The following NECAP1 variants were observed in gnomAD, a reference collection of about 807,000 sequenced individuals.
NECAP1 encodes NECAP endocytosis associated 1.
NECAP1 carries 13 observed loss-of-function variants against 33.4 expected under a neutral mutation model. That is an observed-to-expected ratio of 0.39 (90% CI 0.25 to 0.62). The LOEUF (loss-of-function observed/expected upper bound fraction) is 0.62, where lower values mean the gene tolerates loss of function less well. Among genes scored for constraint, NECAP1 ranks in the 20% least tolerant of loss-of-function variants. NECAP1 has a pLI of 0.52. For missense variants in NECAP1, 272 were observed against 347.4 expected (o/e 0.78, Z 1.73); for synonymous variants, 109 against 125.2 (o/e 0.87, Z 0.86).
intron 1 of NECAP1, 96 bp from the exon 2 acceptor site, chr12:8,089,840 A>G (rs1947525960): frequency 1.1e-6 from 1 of 915,652 alleles, no homozygotes; most frequent in South Asian, 1.3e-5. Context: ...AGAATAGGCA[A>G]TCCAGGATAG....
intron 4 of NECAP1, chr12:8,092,453 C>T (rs1016312378): frequency 2.1e-6 from 1 of 473,960 alleles, no homozygotes; most frequent in Non-Finnish European, 3.8e-6. Flanking sequence ...CTGGAAGGGG[C>T]AATTCTAATA....
chr12:8,083,718 GC>G (rs1282409383), intron 1 of NECAP1, among the ~76,000 whole-genome samples: 3 of 144,616 alleles, frequency 2.1e-5, no homozygotes, highest in Non-Finnish European at 4.5e-5. Context: ...GTGACACCAC[GC>G]CCAGCCGTCG....
intron 1 of NECAP1, among the ~76,000 whole-genome samples, chr12:8,083,923 G>A (rs995045302): frequency 1.3e-5 from 2 of 151,666 alleles, no homozygotes; most frequent in African/African-American, 4.8e-5. Context: ...AAATTTTTTT[G>A]TGTAGACAGG....
intron 1 of NECAP1, among the ~76,000 whole-genome samples, chr12:8,088,245 C>G (rs2120470740): frequency 6.6e-6 from 1 of 152,276 alleles, no homozygotes; most frequent in African/African-American, 2.4e-5. Context: ...CTCTACATCT[C>G]TTGAAAATCT....
At chr12:8,084,225 G>A (rs1202818644) in intron 1 of NECAP1, among the ~76,000 whole-genome samples, 1 of 152,040 alleles carries the variant, frequency 6.6e-6, no homozygotes, top group East Asian at 1.9e-4. Context: ...TGGGCCCTGT[G>A]GGTTGCACCT....
chr12:8,090,186 A>G lies in NECAP1; in HGVS notation c.197-9A>G, dbSNP rs371436821. On this transcript the variant is annotated splice_polypyrimidine_tract_variant and intron_variant, in intron 2 of 7. Transcript: ENST00000339754. ...CTTTACTCAAAAAAGTCTTTCTCTT[A>G]TCTGTCAGGGGAGCTCTTTGCTCAG... is the stretch of plus-strand genomic sequence containing the variant. 6.2e-6 allele frequency: 10 copies of G among 1,613,896 alleles called. No individual in the cohort carries two copies. Among genetic ancestry groups the G allele is most frequent in the South Asian group, 1.1e-5 (1 of 91,082 alleles).
chr12:8,093,088 A>C lies in NECAP1; in HGVS notation c.676+33A>C, dbSNP rs1308262641. 1.9e-6 allele frequency: 3 copies of C among 1,594,902 alleles called. No individual in the cohort carries two copies. In the Admixed American group the frequency reaches 5.1e-5, roughly 27 times the overall value. ...TAGTACTTCTAATTTTGAGAAATCC[A>C]ATCTTATGTTTTAATTAAGCAACAC... On this transcript the variant is annotated intron_variant, in intron 6 of 7. Coordinates refer to ENST00000339754, the MANE Select transcript of NECAP1 (RefSeq NM_015509.4).
chr12:8,093,311 A>G, intron 6 of NECAP1: 2 of 454,766 alleles, frequency 4.4e-6, no homozygotes, highest in South Asian at 6.5e-5. Context: ...AGATGCTTAT[A>G]AGCTTTTGAG....
At chr12:8,086,160 A>G (rs1291105845) in intron 1 of NECAP1, among the ~76,000 whole-genome samples, 1 of 152,224 alleles carries the variant, frequency 6.6e-6, no homozygotes, top group Admixed American at 6.5e-5. Context: ...ACATTAAAGG[A>G]CAAACTGGGC....
At position 8,097,828 on chromosome 12, in the gene NECAP1, T is replaced by C. The variant is rs1185626243; in HGVS notation, c.*1738T>C. 6.6e-6 allele frequency: 1 copy of C among 152,576 alleles called. No homozygotes were observed. The highest frequency in any genetic ancestry group is 1.5e-5 in the Non-Finnish European group (1 of 68,028). The allele number at this position is 152,576 out of a possible 1,614,324, so 9.5% of individuals were successfully genotyped here. On this transcript the variant is annotated 3_prime_UTR_variant, in exon 8 of 8. Coordinates refer to ENST00000339754, the MANE Select transcript of NECAP1 (RefSeq NM_015509.4). ...TACCTTTTAAATTTAATTGACCAAATATAAGTGGACCAGTAGTTAATAAAG... is the reference window on the plus strand; with the variant it reads ...TACCTTTTAAATTTAATTGACCAAACATAAGTGGACCAGTAGTTAATAAAG...
Position 8,096,452 on chromosome 12 carries a change from A to G in NECAP1, c.*362A>G. 1 of 183,362 alleles carries G rather than the reference A, an allele frequency of 5.5e-6. No homozygotes were observed. The allele number at this position is 183,362 out of a possible 1,614,324, so 11.4% of individuals were successfully genotyped here. On this transcript the variant is annotated 3_prime_UTR_variant, in exon 8 of 8. Transcript: ENST00000339754. ...AATTTCTTTAACTTATTTCAAAATC[A>G]TCTCATGACCCTTGTGTGCCTCTTT...
intron 7 of NECAP1, 88 bp from the exon 8 acceptor site, chr12:8,095,954 C>A: frequency 6.6e-7 from 1 of 1,507,468 alleles, no homozygotes; most frequent in Non-Finnish European, 9.1e-7. Flanking sequence ...AAATTCTAGG[C>A]AGTGATTTCT....
chr12:8,092,990 T>C lies in NECAP1; in HGVS notation c.611T>C (p.Val204Ala). Reference sequence around the variant, plus strand: ...ACTATTCCCCCACCATCCTCCTCAGTTGCCATCAGCAATCATGTCACCCCA... The same window carrying C: ...ACTATTCCCCCACCATCCTCCTCAGCTGCCATCAGCAATCATGTCACCCCA... The part of the protein sequence containing the change: ...KVTIPPPSSS[V>A]AISNHVTPPP... Residue 204 changes from valine (V) to alanine (A), a missense_variant, in exon 6 of 8, where the codon GTT becomes GCT. By Grantham distance (64) the Val-to-Ala change is moderately conservative. Transcript: ENST00000339754. 1 of 1,613,892 alleles carries C rather than the reference T, an allele frequency of 6.2e-7. No homozygotes were observed. Among genetic ancestry groups the C allele is most frequent in the South Asian group, 1.1e-5 (1 of 91,072 alleles).
chr12:8,090,199 G>T lies in NECAP1; in HGVS notation c.201G>T (p.Glu67Asp). 6.2e-7 allele frequency: 1 copy of T among 1,614,144 alleles called. No individual in the cohort carries two copies. Among genetic ancestry groups the T allele is most frequent in the Non-Finnish European group, 8.5e-7 (1 of 1,179,980 alleles). ...YIKLEDKVSG[E>D]LFAQAPVEQY... ...AGTCTTTCTCTTATCTGTCAGGGGA[G>T]CTCTTTGCTCAGGCACCAGTAGAAC... The change falls in exon 3 of 8, where the codon GAG (glutamate) becomes GAT (aspartate). Residue 67 changes from glutamate (E) to aspartate (D), a missense_variant. Physicochemically the swap from Glu to Asp is conservative, Grantham distance 45 (BLOSUM62 2). Coordinates refer to ENST00000339754, the MANE Select transcript of NECAP1 (RefSeq NM_015509.4).
At chr12:8,085,783 A>G (rs1947484870) in intron 1 of NECAP1, among the ~76,000 whole-genome samples, 1 of 141,680 alleles carries the variant, frequency 7.1e-6, no homozygotes, top group Admixed American at 7.8e-5. Flanking sequence ...GGCTCACTGC[A>G]ATCTGTGCCT....
At chr12:8,082,424 G>T (rs903394770) in intron 1 of NECAP1, 41 bp downstream of exon 1, 1 of 1,546,308 alleles carries the variant, frequency 6.5e-7, no homozygotes. Flanking sequence ...GTACTCTGTC[G>T]CAGATGACAG....
At chr12:8,082,636 TCCCGTAATCC>T (rs1947450675) in intron 1 of NECAP1, among the ~76,000 whole-genome samples, 2 of 151,860 alleles carry the variant, frequency 1.3e-5, no homozygotes, top group Admixed American at 1.3e-4. Context: ...ACTCTGCCTC[TCCCGTAATCC>T]CCTGGGGCAC....
At chr12:8,084,214 C>T (rs1947468078) in intron 1 of NECAP1, among the ~76,000 whole-genome samples, 1 of 152,144 alleles carries the variant, frequency 6.6e-6, no homozygotes, top group Non-Finnish European at 1.5e-5. Context: ...GACCTGTGCG[C>T]TGGGCCCTGT....
rs768850267 is a variant in NECAP1, at chr12:8,082,282, A to G, written c.-7A>G. The stretch of plus-strand genomic sequence containing the variant: ...TCGCCCCCGGCAGCGCCGACAGCGG[A>G]CCCAAGATGGCGACCGAGTTGGAGT... On this transcript the variant is annotated 5_prime_UTR_variant, in exon 1 of 8. Coordinates refer to ENST00000339754, the MANE Select transcript of NECAP1 (RefSeq NM_015509.4). 2 of 1,586,652 alleles carry G rather than the reference A, an allele frequency of 1.3e-6. No individual in the cohort carries two copies. The highest frequency in any genetic ancestry group is 4.5e-5 in the East Asian group (2 of 44,058).
Sources: gnomAD v4.1 joint callset for allele counts (sites outside exome capture counted in the v4.1 genomes callset) on GRCh38, gnomAD v4.1.1 for gene constraint, MANE v1.5 for transcripts, NCBI Gene and HGNC (gene_info 2026-07-23, HGNC 2026-07-21) for gene names.